Variants in RHOT2 observed in about 807,000 individuals in gnomAD.
RHOT2 encodes mitochondrial Rho GTPase 2.
Under a neutral mutation model 81.6 loss-of-function variants are expected in RHOT2, and 90 were observed. The ratio of observed to expected loss-of-function variants is 1.10; its 90% CI spans 0.93 to 1.31. The LOEUF is 1.31. Among genes scored for constraint, RHOT2 ranks in the 40% most tolerant of loss-of-function variants. The pLI is 0.00. For synonymous variants in RHOT2, 512 were observed against 370.9 expected (o/e 1.38, Z -4.37); for missense variants, 1,014 against 841.9 (o/e 1.20, Z -2.53).
intron 4 of RHOT2, chr16:669,283 T>G: frequency 1.8e-6 from 1 of 556,156 alleles, no homozygotes; most frequent in Non-Finnish European, 3.2e-6. Flanking sequence ...TTCTGGGGCC[T>G]GGTGTCCCTG....
rs1286705228 is a variant in RHOT2, at chr16:670,237, C to T, written c.330-12C>T. On this transcript the variant is annotated splice_polypyrimidine_tract_variant and intron_variant, in intron 6 of 18. Coordinates refer to ENST00000315082, the MANE Select transcript of RHOT2 (RefSeq NM_138769.3). ...CTCCCCTGCCCCTGGTGACCATGGG[C>T]CTTCAACCCAGGGTGCCCATCATCC... 6.2e-7 allele frequency: 1 copy of T among 1,612,138 alleles called. No individual in the cohort carries two copies. The highest frequency in any genetic ancestry group is 1.3e-5 in the African/African-American group (1 of 75,008).
In RHOT2 at chr16:669,723, G is replaced by A. The variant is rs999831611; in HGVS notation, c.276+117G>A. 4.8e-5 allele frequency: 51 copies of A among 1,064,830 alleles called. No homozygotes were observed. In the Middle Eastern group the frequency reaches 1.2e-3, roughly 26 times the overall value. 66.0% of individuals were successfully genotyped at this position (1,064,830 alleles called of 1,614,324 possible). A position where few individuals can be genotyped will look rare whatever the true frequency, so the allele number is the denominator to read the frequency against. ...CTCACAGCATTTTGGGGAGCCTGACGTGGAGTTGCCTGACGTGGAGTCACC... is the reference window on the plus strand; with the variant it reads ...CTCACAGCATTTTGGGGAGCCTGACATGGAGTTGCCTGACGTGGAGTCACC... On this transcript the variant is annotated intron_variant, in intron 5 of 18. Coordinates refer to ENST00000315082, the MANE Select transcript of RHOT2 (RefSeq NM_138769.3).
intron 4 of RHOT2, 91 bp from the exon 5 acceptor site, chr16:669,462 C>G: frequency 7.4e-7 from 1 of 1,345,414 alleles, no homozygotes; most frequent in Non-Finnish European, 1.0e-6. Context: ...CTTCTGGGGC[C>G]TCCTGGAGCC....
At position 672,817 on chromosome 16, in the gene RHOT2, G is replaced by A. The variant is rs144625549; in HGVS notation, c.1519G>A (p.Val507Ile). 1.1e-4 allele frequency: 185 copies of A among 1,612,568 alleles called. No individual in the cohort carries two copies. In the African/African-American group the frequency reaches 2.0e-3, roughly 17 times the overall value. ...AAAGTCCTTTGCACATTGTGCCAGC[G>A]TCTACAAGGTGGGGCCCTGCAGGGG... Reference protein sequence around the residue: ...DPKSFAHCASVYKHHYMDGQT... With the variant: ...DPKSFAHCASIYKHHYMDGQT... Residue 507 changes from valine to isoleucine, a missense_variant, in exon 17 of 19, where the codon GTC (valine) becomes ATC (isoleucine). Transcript: ENST00000315082.
rs776447505 is a variant in RHOT2, at chr16:670,966, G to A, written c.714G>A (p.Ala238=). The change falls in exon 10 of 19, where the codon GCG becomes GCA. Residue 238 remains alanine (A), a synonymous_variant. Coordinates refer to ENST00000315082, the MANE Select transcript of RHOT2 (RefSeq NM_138769.3). ...AGACGGTGGTGTGCAGGAACGTGGC[G>A]GGCGGCGTGCGGGAGGACCGGCTGA... is the stretch of plus-strand genomic sequence containing the variant. ...DVKTVVCRNV[A]GGVREDRLTL... is the part of the protein sequence containing the mutation. 30 of 1,569,292 alleles carry A rather than the reference G, an allele frequency of 1.9e-5. No individual in the cohort carries two copies. The highest frequency in any genetic ancestry group is 1.7e-4 in the Admixed American group (10 of 57,304).
intron 4 of RHOT2, chr16:669,280 GC>G: frequency 5.4e-6 from 3 of 554,246 alleles, no homozygotes; most frequent in Non-Finnish European, 9.7e-6. Context: ...TGCTTCTGGG[GC>G]CTGGTGTCCC....
In RHOT2 at chr16:672,074, C is replaced by G; in HGVS notation, c.1098-10C>G. 6.2e-7 allele frequency: 1 copy of G among 1,612,512 alleles called. No homozygotes were observed. Among genetic ancestry groups the G allele is most frequent in the South Asian group, 1.1e-5 (1 of 91,074 alleles). On this transcript the variant is annotated splice_polypyrimidine_tract_variant and intron_variant, in intron 13 of 18. Transcript: ENST00000315082. ...CCATAACACTGTGCCTGCCTCCCGCCCACCCCCAGCCTGGTGACCTACCTG... is the reference window on the plus strand; with the variant it reads ...CCATAACACTGTGCCTGCCTCCCGCGCACCCCCAGCCTGGTGACCTACCTG...
In RHOT2 at chr16:671,019, C is replaced by A; in HGVS notation, c.748+19C>A. 6.2e-7 allele frequency: 1 copy of A among 1,602,668 alleles called. No individual in the cohort carries two copies. Among genetic ancestry groups the A allele is most frequent in the South Asian group, 1.1e-5 (1 of 90,678 alleles). On this transcript the variant is annotated intron_variant, in intron 10 of 18. Coordinates refer to ENST00000315082, the MANE Select transcript of RHOT2 (RefSeq NM_138769.3). ...CTGGATGGTGAGGCCGGGTGCCCGC[C>A]TGTGCCTGGGGAGTGTGGGGAGGGG...
intron 11 of RHOT2, 77 bp from the exon 12 acceptor site, chr16:671,620 C>T (rs2038948247): frequency 6.7e-7 from 1 of 1,486,974 alleles, no homozygotes. Context: ...ACCGATGGGG[C>T]TGGCAGGGTG....
At position 673,814 on chromosome 16, in the gene RHOT2, C is replaced by G. The variant is rs2039346837; in HGVS notation, c.*208C>G. ...GCTCCTGCCGGACCCCCAGGGTGGGCCGTGGCAGGTGGCTGAGCAGGAGCT... is the reference window on the plus strand; with the variant it reads ...GCTCCTGCCGGACCCCCAGGGTGGGGCGTGGCAGGTGGCTGAGCAGGAGCT... On this transcript the variant is annotated 3_prime_UTR_variant, in exon 19 of 19. Transcript: ENST00000315082. 7.3e-6 allele frequency: 5 copies of G among 688,044 alleles called. No individual in the cohort carries two copies. The highest frequency in any genetic ancestry group is 1.2e-5 in the Non-Finnish European group (5 of 414,436). The allele number at this position is 688,044 out of a possible 1,614,324, so 42.6% of individuals were successfully genotyped here.
intron 18 of RHOT2, 129 bp from the exon 19 acceptor site, chr16:673,351 C>T: frequency 7.7e-6 from 11 of 1,430,698 alleles, no homozygotes; most frequent in East Asian, 2.3e-5. Flanking sequence ...GCCTGGCCTC[C>T]ACCGGCTGTG....
At chr16:669,288 T>A in intron 4 of RHOT2, 1 of 563,580 alleles carries the variant, frequency 1.8e-6, no homozygotes, top group Non-Finnish European at 3.2e-6. Flanking sequence ...GGGCCTGGTG[T>A]CCCTGCACTG....
chr16:672,676 C>T, intron 16 of RHOT2, 27 bp from the exon 17 acceptor site: 1 of 1,611,716 alleles, frequency 6.2e-7, no homozygotes, highest in Non-Finnish European at 8.5e-7. Flanking sequence ...CCCCAGGGAC[C>T]CTTCCTAAGG....
chr16:671,596 G>T, intron 11 of RHOT2, 101 bp from the exon 12 acceptor site: 1 of 1,311,434 alleles, frequency 7.6e-7, no homozygotes, highest in Non-Finnish European at 1.1e-6. Context: ...GTCCTGTAGG[G>T]AGGGTCCGGC....
rs746378817 is a variant in RHOT2, at chr16:670,523, C to T, written c.506C>T (p.Pro169Leu). The T allele has an allele frequency of 6.2e-7, 1 of 1,608,172 alleles. No homozygotes were observed. The highest frequency in any genetic ancestry group is 8.5e-7 in the Non-Finnish European group (1 of 1,177,588). Reference protein sequence around the residue: ...FYYAQKAVLHPTAPLYDPEAK... With the variant: ...FYYAQKAVLHLTAPLYDPEAK... The stretch of plus-strand genomic sequence containing the variant: ...TACGCCCAGAAGGCCGTCCTGCATC[C>T]CACAGCCCCCCTCTATGACCCTGAG... The change falls in exon 8 of 19, where the codon CCC (proline) becomes CTC (leucine). Residue 169 changes from proline (P) to leucine (L), a missense_variant. Pro to Leu is a moderately conservative substitution (Grantham distance 98). Transcript: ENST00000315082.
At chr16:668,621 G>T (rs752421481) in intron 3 of RHOT2, 35 bp from the exon 4 acceptor site, 5 of 1,609,010 alleles carry the variant, frequency 3.1e-6, no homozygotes, top group East Asian at 2.2e-5. Context: ...CGGCGGGCCT[G>T]CTGGGTCCGC....
chr16:670,536 CTA>C lies in RHOT2; in HGVS notation c.521_522del (p.Tyr174Ter), dbSNP rs1431179086. 1 of 1,607,564 alleles carries C rather than the reference CTA, an allele frequency of 6.2e-7. No homozygotes were observed. On this transcript the variant is annotated frameshift_variant, in exon 8 of 19. Coordinates refer to ENST00000315082, the MANE Select transcript of RHOT2 (RefSeq NM_138769.3). LOFTEE classifies it high-confidence loss of function. ...KAVLHPTAPL[Y>X]DPEAKQLRPA... ...CCGTCCTGCATCCCACAGCCCCCCTCTATGACCCTGAGGCCAAGCAGGTGAGC... is the reference window on the plus strand; with the variant it reads ...CCGTCCTGCATCCCACAGCCCCCCTCTGACCCTGAGGCCAAGCAGGTGAGC...
Position 670,347 on chromosome 16 carries a change from C to G in RHOT2, c.428C>G (p.Thr143Ser), listed in dbSNP as rs773627306. ...ATGAGCCAGTTTCCCGAGATTGAGA[C>G]CTGCGTGGAGGTGAGTAGGTCCCAG... ...PIMSQFPEIE[T>S]CVECSAKNLR... The change falls in exon 7 of 19, where the codon ACC becomes AGC. Residue 143 changes from threonine to serine, a missense_variant. Coordinates refer to ENST00000315082, the MANE Select transcript of RHOT2 (RefSeq NM_138769.3). 3.1e-6 allele frequency: 5 copies of G among 1,612,746 alleles called. No individual in the cohort carries two copies. In the African/African-American group the frequency reaches 6.7e-5, roughly 22 times the overall value.
rs769602195 is a variant in RHOT2 at position 670,685 on chromosome 16, C to T, written c.551C>T (p.Ala184Val). ...CCAACATCCCCACAGTTGAGGCCCG[C>T]GTGCGCCCAGGCGCTGACGCGCATC... ...YDPEAKQLRP[A>V]CAQALTRIFR... The change falls in exon 9 of 19, where the codon GCG becomes GTG. Residue 184 changes from alanine (A) to valine (V), a missense_variant. Physicochemically the swap from Ala to Val is moderately conservative, Grantham distance 64. Coordinates refer to ENST00000315082, the MANE Select transcript of RHOT2 (RefSeq NM_138769.3). The T allele has an allele frequency of 6.8e-6, 11 of 1,612,164 alleles. No homozygotes were observed. Among genetic ancestry groups the T allele is most frequent in the African/African-American group, 1.3e-5 (1 of 74,936 alleles).
Sources: allele counts gnomAD v4.1 joint callset, GRCh38; gene constraint gnomAD v4.1.1; transcripts MANE v1.5; gene names NCBI Gene and HGNC (gene_info 2026-07-23, HGNC 2026-07-21).